RFWD3: variants seen among roughly 807,000 people sequenced by gnomAD.
RFWD3 encodes ring finger and WD repeat domain 3.
RFWD3 carries 65 observed loss-of-function variants against 87.7 expected under a neutral mutation model. The ratio of observed to expected loss-of-function variants is 0.74; its 90% CI spans 0.61 to 0.91. The LOEUF (loss-of-function observed/expected upper bound fraction) is 0.91, where lower values mean the gene tolerates loss of function less well. Among genes scored for constraint, RFWD3 ranks in the 40% least tolerant of loss-of-function variants. The probability of loss-of-function intolerance (pLI) is 0.00; values close to 1 mark genes in which losing one functional copy is unlikely to be tolerated. For synonymous variants in RFWD3, 433 were observed against 352.8 expected, an observed-to-expected ratio of 1.23 and a Z score of -2.55; for missense variants, 1,078 against 938.5, an observed-to-expected ratio of 1.15 and a Z score of -1.94.
chr16:74,658,763 AT>A (rs1961195402), intron 2 of RFWD3, among the ~76,000 whole-genome samples: 2 of 148,878 alleles, frequency 1.3e-5, no homozygotes, highest in Admixed American at 1.4e-4. Flanking sequence ...AGCAGATTCT[AT>A]AATTTTTTTT....
At chr16:74,629,269 C>G (rs914349980) in intron 10 of RFWD3, among the ~76,000 whole-genome samples, 51 of 152,304 alleles carry the variant, frequency 3.3e-4, no homozygotes, top group Middle Eastern at 6.8e-3. Context: ...GTCTACTTTG[C>G]CTGTTTTATT....
chr16:74,636,264 G>T, intron 8 of RFWD3, 82 bp downstream of exon 8: 1 of 1,266,268 alleles, frequency 7.9e-7, no homozygotes, highest in Non-Finnish European at 1.1e-6. Flanking sequence ...TAACCTTTGA[G>T]TCTTGAATTT....
At chr16:74,650,372 A>G (rs1170649501) in intron 3 of RFWD3, among the ~76,000 whole-genome samples, 2 of 149,798 alleles carry the variant, frequency 1.3e-5, no homozygotes, top group Non-Finnish European at 3.0e-5. Flanking sequence ...TTTTTTGGCA[A>G]TGGGGGTGGG....
At chr16:74,662,219 C>G (rs920295865) in intron 1 of RFWD3, among the ~76,000 whole-genome samples, 1 of 152,136 alleles carries the variant, frequency 6.6e-6, no homozygotes, top group African/African-American at 2.4e-5. Context: ...GGCCTTACCT[C>G]CTCATGCATC....
intron 6 of RFWD3, among the ~76,000 whole-genome samples, chr16:74,641,063 C>G (rs1959600439): frequency 6.6e-6 from 1 of 151,998 alleles, no homozygotes; most frequent in East Asian, 1.9e-4. Context: ...TAAATGTGCC[C>G]TATAATAAAG....
At chr16:74,646,298 C>G (rs1047211321) in intron 4 of RFWD3, among the ~76,000 whole-genome samples, 4 of 152,128 alleles carry the variant, frequency 2.6e-5, no homozygotes, top group African/African-American at 9.7e-5. Context: ...ATCACCTGAG[C>G]CCGGGATATT....
chr16:74,645,745 C>CTTTTTTTTTTTTTTT (rs71376293), intron 4 of RFWD3, among the ~76,000 whole-genome samples: 1 of 74,212 alleles, frequency 1.3e-5, no homozygotes, highest in Non-Finnish European at 2.3e-5. Context: ...CAAATATTTT[C>CTTTTTTTTTTTTTTT]TTTTTTTTTT....
chr16:74,654,466 G>A (rs1191826211), intron 2 of RFWD3, among the ~76,000 whole-genome samples: 2 of 152,104 alleles, frequency 1.3e-5, no homozygotes, highest in Non-Finnish European at 2.9e-5. Context: ...TAAATGTTGT[G>A]TATGTTGACT....
intron 2 of RFWD3, 43 bp from the exon 3 acceptor site, chr16:74,652,165 A>G: frequency 6.5e-7 from 1 of 1,547,240 alleles, no homozygotes; most frequent in South Asian, 1.1e-5. Flanking sequence ...ACAATGAACT[A>G]TCATCACAAA....
In RFWD3 at chr16:74,657,478, C is replaced by CT. The variant is rs386385075; in HGVS notation, c.518+3453dup. On this transcript the variant is annotated intron_variant, in intron 2 of 12. Transcript: ENST00000361070. The stretch of plus-strand genomic sequence containing the variant: ...CTGACATCACCCAGGTTTTCTTTTT[C>CT]TTTTTTTTTTTTTTTGAGACGGAGT... Among the ~76,000 whole-genome samples the CT allele has an allele frequency of 1.5e-3, 190 of 122,638 alleles. 6 individuals are homozygous for CT. Among genetic ancestry groups the CT allele is most frequent in the East Asian group, 4.6e-3 (21 of 4,608 alleles). 80.5% of individuals were successfully genotyped at this position (122,638 alleles called of 152,430 possible).
chr16:74,654,166 CTCTT>C (rs1567583832), intron 2 of RFWD3, among the ~76,000 whole-genome samples: 1 of 152,080 alleles, frequency 6.6e-6, no homozygotes, highest in African/African-American at 2.4e-5. Context: ...GTCATGTCCT[CTCTT>C]TCATTCTTCA....
intron 9 of RFWD3, 119 bp downstream of exon 9, chr16:74,632,394 AAAAACAAAAC>A (rs376662428): frequency 2.6e-6 from 3 of 1,157,342 alleles, no homozygotes; most frequent in Non-Finnish European, 3.7e-6. Context: ...TCCATCTCAA[AAAAACAAAAC>A]AAAACAAAAC....
At chr16:74,628,338 T>C (rs1039150990) in intron 11 of RFWD3, 114 bp downstream of exon 11, 1 of 935,890 alleles carries the variant, frequency 1.1e-6, no homozygotes, top group Non-Finnish European at 1.6e-6. Flanking sequence ...ACAACACACC[T>C]CGTTAGCCTG....
chr16:74,649,273 A>G lies in RFWD3; in HGVS notation c.722-71T>C, dbSNP rs368629693. 9.1e-6 allele frequency: 10 copies of G among 1,094,520 alleles called. No homozygotes were observed. The African/African-American group carries it at 1.5e-4, about 16-fold the overall frequency. The allele number at this position is 1,094,520 out of a possible 1,614,324, so 67.8% of individuals were successfully genotyped here. A position where few individuals can be genotyped will look rare whatever the true frequency, so the allele number is the denominator to read the frequency against. ...TAAGATATGTCAGGTATGAGAAGCTAGCAGGAGAGAGCCTGACTCACTACA... is the reference window on the plus strand; with the variant it reads ...TAAGATATGTCAGGTATGAGAAGCTGGCAGGAGAGAGCCTGACTCACTACA... On this transcript the variant is annotated intron_variant, in intron 3 of 12. Coordinates refer to ENST00000361070, the MANE Select transcript of RFWD3 (RefSeq NM_018124.4).
Position 74,644,569 on chromosome 16 carries a change from A to G in RFWD3, c.959T>C (p.Leu320Pro). The change falls in exon 5 of 13, where the codon CTT (leucine) becomes CCT (proline). Residue 320 changes from leucine to proline, a missense_variant. Leu to Pro is a moderately conservative substitution (Grantham distance 98, BLOSUM62 -3). Coordinates refer to ENST00000361070, the MANE Select transcript of RFWD3 (RefSeq NM_018124.4). ...GGGACATTTTCGTACTTGTCCTTTA[A>G]GCCACGTGGAAATGCACCTATACCC... ...LFGYRCISTWLKGQVRKCPQC... is the reference protein window; with the variant it reads ...LFGYRCISTWPKGQVRKCPQC... 1 of 1,614,166 alleles carries G rather than the reference A, an allele frequency of 6.2e-7. No homozygotes were observed. Among genetic ancestry groups the G allele is most frequent in the Non-Finnish European group, 8.5e-7 (1 of 1,180,038 alleles).
At chr16:74,624,332 C>G (rs1174677017) in intron 12 of RFWD3, among the ~76,000 whole-genome samples, 1 of 152,202 alleles carries the variant, frequency 6.6e-6, no homozygotes, top group Non-Finnish European at 1.5e-5. Flanking sequence ...ATTCAATGTG[C>G]CAGCCTCTTC....
At chr16:74,639,461 G>A (rs1411391235) in intron 6 of RFWD3, among the ~76,000 whole-genome samples, 1 of 152,200 alleles carries the variant, frequency 6.6e-6, no homozygotes, top group Admixed American at 6.5e-5. Context: ...TATGCAGCAC[G>A]TGACTGTAAA....
Position 74,623,534 on chromosome 16 carries a change from G to C in RFWD3, c.*394C>G, listed in dbSNP as rs764181044. Reference sequence around the variant, plus strand: ...CCCTTCAAGGATACTTAAGTGACAGGACAACTCAGATGGGATGTCATATTC... The same window carrying C: ...CCCTTCAAGGATACTTAAGTGACAGCACAACTCAGATGGGATGTCATATTC... On this transcript the variant is annotated 3_prime_UTR_variant, in exon 13 of 13. Coordinates refer to ENST00000361070, the MANE Select transcript of RFWD3 (RefSeq NM_018124.4). The C allele has an allele frequency of 5.7e-6, 1 of 174,124 alleles. No homozygotes were observed. The highest frequency in any genetic ancestry group is 1.2e-5 in the Non-Finnish European group (1 of 82,548). The allele number at this position is 174,124 out of a possible 1,614,324, so 10.8% of individuals were successfully genotyped here.
At chr16:74,641,954 A>C (rs1352940421) in intron 6 of RFWD3, among the ~76,000 whole-genome samples, 28 of 131,436 alleles carry the variant, frequency 2.1e-4, no homozygotes, top group Non-Finnish European at 2.9e-4. Context: ...AAAAAAAAAA[A>C]CCAAAGAAAC....
Sources: allele counts gnomAD v4.1 joint callset (sites outside exome capture counted in the v4.1 genomes callset), GRCh38; gene constraint gnomAD v4.1.1; transcripts MANE v1.5; gene names NCBI Gene and HGNC (gene_info 2026-07-23, HGNC 2026-07-21).